The following LDLRAD3 variants were observed in gnomAD, a reference collection of about 807,000 sequenced individuals.
LDLRAD3 encodes low-density lipoprotein receptor class A domain-containing protein 3.
LDLRAD3 carries 20 observed loss-of-function variants against 29.4 expected under a neutral mutation model. The observed-to-expected ratio is 0.68, with a 90% CI of 0.48 to 0.99. The LOEUF (loss-of-function observed/expected upper bound fraction) is 0.99, where lower values mean the gene tolerates loss of function less well. Ranked by LOEUF, LDLRAD3 falls within the 50% of genes least tolerant of loss-of-function variation. LDLRAD3 has a pLI of 0.00. For synonymous variants in LDLRAD3, 157 were observed against 192.7 expected (o/e 0.81, Z 1.53); for missense variants, 420 against 454.3 (o/e 0.92, Z 0.69).
intron 1 of LDLRAD3, among the ~76,000 whole-genome samples, chr11:36,026,533 A>G (rs1334377375): frequency 6.6e-6 from 1 of 152,112 alleles, no homozygotes; most frequent in Admixed American, 6.6e-5. Flanking sequence ...CATTCCCGGG[A>G]GGTTAGGCAT....
intron 1 of LDLRAD3, among the ~76,000 whole-genome samples, chr11:35,966,793 CA>C (rs1375390409): frequency 1.6e-4 from 24 of 152,312 alleles, no homozygotes; most frequent in African/African-American, 5.8e-4. Flanking sequence ...TTAGGAGACC[CA>C]CTTCCACAAA....
intron 4 of LDLRAD3, among the ~76,000 whole-genome samples, chr11:36,160,141 A>C (rs901628795): frequency 2.6e-5 from 4 of 152,232 alleles, no homozygotes; most frequent in Non-Finnish European, 5.9e-5. Flanking sequence ...TGAGATGCAA[A>C]GAATAAACCT....
At chr11:36,050,962 C>T (rs1284810156) in intron 2 of LDLRAD3, among the ~76,000 whole-genome samples, 1 of 152,052 alleles carries the variant, frequency 6.6e-6, no homozygotes, top group Non-Finnish European at 1.5e-5. Flanking sequence ...TCCCTTGGGC[C>T]TTTTTCATAA....
chr11:35,944,613 G>A lies in LDLRAD3; in HGVS notation c.46+469G>A, dbSNP rs560841042. On this transcript the variant is annotated intron_variant, in intron 1 of 5. Transcript: ENST00000315571. The surrounding 1 kb of genome is among the most constrained non-coding windows in gnomAD (Gnocchi z 4.9). Reference sequence around the variant, plus strand: ...CCCGAGTCTCTGGCGTGCACTCCGTGCCTCAGTTTCCCCACCTGCACCGCG... The same window carrying A: ...CCCGAGTCTCTGGCGTGCACTCCGTACCTCAGTTTCCCCACCTGCACCGCG... Among the ~76,000 whole-genome samples the A allele has an allele frequency of 5.3e-5, 8 of 152,260 alleles. No homozygotes were observed. Among genetic ancestry groups the A allele is most frequent in the Admixed American group, 3.9e-4 (6 of 15,298 alleles).
rs967010601 is a variant in LDLRAD3 at position 36,006,460 on chromosome 11, G to A, written c.47-29643G>A. ...GCTGAGCTGTGTGCCAGGCATATACGAAGTAGGAGTTACTGAATGGATGTG... is the reference window on the plus strand; with the variant it reads ...GCTGAGCTGTGTGCCAGGCATATACAAAGTAGGAGTTACTGAATGGATGTG... On this transcript the variant is annotated intron_variant, in intron 1 of 5. Transcript: ENST00000315571. Among the ~76,000 whole-genome samples the A allele has an allele frequency of 4.6e-5, 7 of 152,206 alleles. No homozygotes were observed. In the East Asian group the frequency reaches 1.2e-3, roughly 25 times the overall value.
intron 4 of LDLRAD3, among the ~76,000 whole-genome samples, chr11:36,155,415 TGG>T (rs1330000761): frequency 6.6e-6 from 1 of 152,182 alleles, no homozygotes; most frequent in Non-Finnish European, 1.5e-5. Flanking sequence ...AAACTTTGTT[TGG>T]AGAGAGCCCG....
intron 1 of LDLRAD3, among the ~76,000 whole-genome samples, chr11:35,957,266 A>G (rs263092): frequency 0.56 from 85,840 of 152,088 alleles, 26,664 homozygotes; most frequent in African/African-American, 0.83. Context: ...TATAGCATAG[A>G]CGTTTTCCCA....
intron 4 of LDLRAD3, among the ~76,000 whole-genome samples, chr11:36,154,810 A>C (rs1487147392): frequency 6.6e-6 from 1 of 152,032 alleles, no homozygotes; most frequent in African/African-American, 2.4e-5. Context: ...TTTGAGACAA[A>C]ATTTTCCATC....
chr11:36,215,214 G>C (rs958384913), intron 4 of LDLRAD3, among the ~76,000 whole-genome samples: 1 of 152,220 alleles, frequency 6.6e-6, no homozygotes, highest in Non-Finnish European at 1.5e-5. Context: ...TGCAGCAGCA[G>C]CCAGGGAGGA....
intron 4 of LDLRAD3, among the ~76,000 whole-genome samples, chr11:36,180,133 C>T (rs1246266740): frequency 1.3e-5 from 2 of 152,164 alleles, no homozygotes; most frequent in Admixed American, 6.5e-5. Context: ...CAGGGGGTTC[C>T]TACCTGCCTC....
chr11:36,057,746 T>C (rs1852642364), intron 2 of LDLRAD3, among the ~76,000 whole-genome samples: 1 of 152,226 alleles, frequency 6.6e-6, no homozygotes, highest in Non-Finnish European at 1.5e-5. Flanking sequence ...TCTAATACAT[T>C]TTCCCTTGCT....
At chr11:36,198,908 G>GT (rs201753607) in intron 4 of LDLRAD3, among the ~76,000 whole-genome samples, 2,326 of 150,492 alleles carry the variant, frequency 0.015, 64 homozygotes, top group African/African-American at 0.053. Context: ...TTCTTGTTTT[G>GT]TTTTTTTTTG....
chr11:36,111,594 CTTTTTTT>C (rs765774984), intron 4 of LDLRAD3, among the ~76,000 whole-genome samples: 2 of 142,016 alleles, frequency 1.4e-5, no homozygotes, highest in African/African-American at 5.2e-5. Flanking sequence ...TCTGTTTCAT[CTTTTTTT>C]TTTTTTTTTC....
At chr11:36,177,646 G>A (rs1179891002) in intron 4 of LDLRAD3, among the ~76,000 whole-genome samples, 1 of 152,216 alleles carries the variant, frequency 6.6e-6, no homozygotes, top group African/African-American at 2.4e-5. Flanking sequence ...GGGAGTGCCT[G>A]CAGAGAGTCA....
intron 4 of LDLRAD3, among the ~76,000 whole-genome samples, chr11:36,148,165 TG>T (rs2133324626): frequency 6.6e-6 from 1 of 152,302 alleles, no homozygotes; most frequent in East Asian, 1.9e-4. Flanking sequence ...CCACCACACC[TG>T]GCCAGATTGT....
intron 1 of LDLRAD3, among the ~76,000 whole-genome samples, chr11:35,994,303 C>G (rs1851724260): frequency 7.8e-6 from 1 of 128,474 alleles, no homozygotes; most frequent in African/African-American, 3.1e-5. Context: ...TGCCACTGCA[C>G]TCCAGCCTGG....
At chr11:36,127,855 G>T (rs1054233695) in intron 4 of LDLRAD3, among the ~76,000 whole-genome samples, 1 of 151,884 alleles carries the variant, frequency 6.6e-6, no homozygotes, top group African/African-American at 2.4e-5. Flanking sequence ...ACCTAGTATT[G>T]TATTTTTTGT....
intron 4 of LDLRAD3, among the ~76,000 whole-genome samples, chr11:36,190,769 C>T (rs1854928978): frequency 6.6e-6 from 1 of 152,114 alleles, no homozygotes. Flanking sequence ...CCAAACACAT[C>T]ATTATGAAAT....
chr11:36,088,932 G>T (rs1173884885), intron 3 of LDLRAD3, among the ~76,000 whole-genome samples: 2 of 152,178 alleles, frequency 1.3e-5, no homozygotes, highest in African/African-American at 4.8e-5. Context: ...CTCCTCCCCA[G>T]TCTCACACTC....
Sources: allele counts gnomAD v4.1 joint callset (sites outside exome capture counted in the v4.1 genomes callset), GRCh38; gene constraint gnomAD v4.1.1; non-coding constraint Gnocchi (gnomAD v3.1); transcripts MANE v1.5; gene names NCBI Gene and HGNC (gene_info 2026-07-23, HGNC 2026-07-21).